Variants in ZNF646 observed in about 807,000 individuals in gnomAD.
ZNF646 encodes zinc finger protein 646.
In ZNF646, 49 loss-of-function variants were observed where a neutral mutation model predicts 115.4. The ratio of observed to expected loss-of-function variants is 0.42; its 90% CI spans 0.34 to 0.54. The LOEUF is 0.54. Ranked by LOEUF, ZNF646 falls within the 20% of genes least tolerant of loss-of-function variation. ZNF646 has a pLI of 0.04. For synonymous variants in ZNF646, 933 were observed against 939.0 expected, an observed-to-expected ratio of 0.99 and a Z score of 0.12; for missense variants, 2,269 against 2,457.9, an observed-to-expected ratio of 0.92 and a Z score of 1.62.
chr16:31,079,083 A>T lies in ZNF646; in HGVS notation c.2759A>T (p.Glu920Val). Residue 920 changes from glutamate (E) to valine (V), a missense_variant, in exon 2 of 3, where the codon GAA (glutamate) becomes GTA (valine). Glu to Val is a moderately radical substitution (Grantham distance 121). Around this residue, in one of 5 missense-constraint regions of ZNF646, gnomAD observed 852 missense variants for 900.2 expected, o/e 0.95. Transcript: ENST00000300850. This position sits in a 1 kb window ranked among gnomAD's most constrained non-coding sequence, Gnocchi z 5.5. ...TEGSEEEGEE[E>V]GVAEAAPARS... ...GGCTCAGAGGAGGAGGGGGAAGAGG[A>T]AGGAGTGGCAGAGGCAGCCCCTGCA... 1 of 1,576,156 alleles carries T rather than the reference A, an allele frequency of 6.3e-7. No individual in the cohort carries two copies. The highest frequency in any genetic ancestry group is 1.3e-5 in the African/African-American group (1 of 74,420).
In ZNF646 at chr16:31,076,460, C is replaced by CGGCCCTA. The variant is rs771985701; in HGVS notation, c.137_143dup (p.Tyr48Ter). 2 of 1,614,062 alleles carry CGGCCCTA rather than the reference C, an allele frequency of 1.2e-6. No individual in the cohort carries two copies. The highest frequency in any genetic ancestry group is 1.7e-6 in the Non-Finnish European group (2 of 1,180,018). On this transcript the variant is annotated stop_gained and frameshift_variant, in exon 2 of 3. Transcript: ENST00000300850. LOFTEE classifies it high-confidence loss of function. Reference sequence around the variant, plus strand: ...CAGTGAGGAGGCTGACAGCATCCCTCGGCCCTACCGTTGTCAGCAGTGTGG... The same window carrying CGGCCCTA: ...CAGTGAGGAGGCTGACAGCATCCCTCGGCCCTAGGCCCTACCGTTGTCAGCAGTGTGG...
chr16:31,083,119 T>TG lies in ZNF646; in HGVS notation c.*32dup. 6.3e-7 allele frequency: 1 copy of TG among 1,596,130 alleles called. No homozygotes were observed. The highest frequency in any genetic ancestry group is 8.5e-7 in the Non-Finnish European group (1 of 1,173,252). ...CTTCAAGTCTCCAAAGATCAGAATCTGGGGGAGGGAGCGCGTGCAGGGAGG... is the reference window on the plus strand; with the variant it reads ...CTTCAAGTCTCCAAAGATCAGAATCTGGGGGGAGGGAGCGCGTGCAGGGAGG... On this transcript the variant is annotated 3_prime_UTR_variant, in exon 3 of 3. Coordinates refer to ENST00000300850, the MANE Select transcript of ZNF646 (RefSeq NM_014699.4).
Position 31,076,420 on chromosome 16 carries a change from A to G in ZNF646, c.96A>G (p.Pro32=), listed in dbSNP as rs759196390. The G allele has an allele frequency of 2.0e-5, 33 of 1,613,284 alleles. No homozygotes were observed. Among genetic ancestry groups the G allele is most frequent in the Non-Finnish European group, 2.7e-5 (32 of 1,179,840 alleles). ...CTCGGCACCGAGAACTGCTCCATCC[A>G]TCTCCCAACCAGGACAGTGAGGAGG... The part of the protein sequence containing the change: ...ELSRHRELLH[P]SPNQDSEEAD... Residue 32 remains proline (P), a synonymous_variant, in exon 2 of 3, where the codon CCA becomes CCG. Transcript: ENST00000300850.
chr16:31,077,223 C>T lies in ZNF646; in HGVS notation c.899C>T (p.Pro300Leu). ...QYRPYHCPHCPRVFRLPRELL... is the reference protein window; with the variant it reads ...QYRPYHCPHCLRVFRLPRELL... Reference sequence around the variant, plus strand: ...CGGCCTTACCACTGTCCCCACTGCCCCCGTGTCTTCCGGCTCCCCCGGGAG... The same window carrying T: ...CGGCCTTACCACTGTCCCCACTGCCTCCGTGTCTTCCGGCTCCCCCGGGAG... Residue 300 changes from proline (P) to leucine (L), a missense_variant, in exon 2 of 3, where the codon CCC (proline) becomes CTC (leucine). Pro to Leu is a moderately conservative substitution (Grantham distance 98). Around this residue, in one of 5 missense-constraint regions of ZNF646, gnomAD observed 852 missense variants for 900.2 expected, o/e 0.95. Coordinates refer to ENST00000300850, the MANE Select transcript of ZNF646 (RefSeq NM_014699.4). The T allele has an allele frequency of 6.2e-7, 1 of 1,614,134 alleles. No individual in the cohort carries two copies. The highest frequency in any genetic ancestry group is 8.5e-7 in the Non-Finnish European group (1 of 1,180,002).
intron 2 of ZNF646, chr16:31,082,671 A>T (rs777677964): frequency 9.7e-6 from 4 of 412,086 alleles, no homozygotes; most frequent in Non-Finnish European, 1.3e-5. Context: ...GTGGCCACCG[A>T]GGGTGGGTGG....
At position 31,083,882 on chromosome 16, in the gene ZNF646, C is replaced by T. The variant is rs1199116315; in HGVS notation, c.*790C>T. The T allele has an allele frequency of 1.4e-5, 23 of 1,602,886 alleles. No individual in the cohort carries two copies. In the East Asian group the frequency reaches 2.9e-4, roughly 21 times the overall value. On this transcript the variant is annotated 3_prime_UTR_variant, in exon 3 of 3. Coordinates refer to ENST00000300850, the MANE Select transcript of ZNF646 (RefSeq NM_014699.4). ...GGTCCCTCCCTCCCTCCCCATTCCT[C>T]GAAGGAACAGGGTCTGTCTTGGCCG...
Position 31,080,020 on chromosome 16 carries a change from T to C in ZNF646, c.3696T>C (p.Cys1232=). Residue 1232 remains cysteine, a synonymous_variant, in exon 2 of 3, where the codon TGT becomes TGC. Coordinates refer to ENST00000300850, the MANE Select transcript of ZNF646 (RefSeq NM_014699.4). ...RQSHQTGHFG[C]QACSKGFSNL... The stretch of plus-strand genomic sequence containing the variant: ...GCCACCAGACCGGCCACTTTGGCTG[T>C]CAGGCCTGCTCCAAGGGCTTCTCAA... 1 of 1,601,282 alleles carries C rather than the reference T, an allele frequency of 6.2e-7. No individual in the cohort carries two copies. Among genetic ancestry groups the C allele is most frequent in the East Asian group, 2.3e-5 (1 of 44,402 alleles).
chr16:31,076,531 C>G lies in ZNF646; in HGVS notation c.207C>G (p.Thr69=). The G allele has an allele frequency of 6.2e-7, 1 of 1,613,258 alleles. No homozygotes were observed. The highest frequency in any genetic ancestry group is 8.5e-7 in the Non-Finnish European group (1 of 1,179,456). The change falls in exon 2 of 3, where the codon ACC becomes ACG. Residue 69 remains threonine (T), a synonymous_variant. Coordinates refer to ENST00000300850, the MANE Select transcript of ZNF646 (RefSeq NM_014699.4). ...HPGSLVNHRR[T]HETGLFPCTT... ...GGAGCCTGGTTAACCATCGTCGGACCCACGAGACTGGCCTTTTCCCCTGTA... is the reference window on the plus strand; with the variant it reads ...GGAGCCTGGTTAACCATCGTCGGACGCACGAGACTGGCCTTTTCCCCTGTA...
rs1375117934 is a variant in ZNF646, at chr16:31,077,718, A to G, written c.1394A>G (p.Tyr465Cys). 2 of 1,614,064 alleles carry G rather than the reference A, an allele frequency of 1.2e-6. No homozygotes were observed. The highest frequency in any genetic ancestry group is 1.7e-6 in the Non-Finnish European group (2 of 1,180,004). ...ACCACCACCCTGGACCATCGGCCCT[A>G]TAAGTGCAGTGAGTGTGGTCGTGCT... is the stretch of plus-strand genomic sequence containing the variant. ...DPTTTLDHRP[Y>C]KCSECGRAYR... Residue 465 changes from tyrosine to cysteine, a missense_variant, in exon 2 of 3, where the codon TAT becomes TGT. Tyr to Cys is a radical substitution (Grantham distance 194, BLOSUM62 -2). Transcript: ENST00000300850.
At position 31,081,233 on chromosome 16, in the gene ZNF646, G is replaced by A. The variant is rs747195157; in HGVS notation, c.4909G>A (p.Gly1637Ser). 2.4e-5 allele frequency: 38 copies of A among 1,593,416 alleles called. No individual in the cohort carries two copies. Among genetic ancestry groups the A allele is most frequent in the Non-Finnish European group, 3.3e-5 (38 of 1,168,412 alleles). The change falls in exon 2 of 3, where the codon GGT becomes AGT. Residue 1637 changes from glycine (G) to serine (S), a missense_variant. Gly to Ser is a moderately conservative substitution (Grantham distance 56). Around this residue, in one of 5 missense-constraint regions of ZNF646, gnomAD observed 1,062 missense variants for 1,172.8 expected, o/e 0.91. Transcript: ENST00000300850. ...GTGEDQVVLP[G>S]QGKAQEAPSE... ...TGGGGAGGACCAGGTGGTTCTCCCT[G>A]GTCAAGGGAAAGCCCAGGAGGCCCC...
At position 31,078,309 on chromosome 16, in the gene ZNF646, A is replaced by G; in HGVS notation, c.1985A>G (p.His662Arg). The G allele has an allele frequency of 6.2e-7, 1 of 1,613,580 alleles. No homozygotes were observed. The highest frequency in any genetic ancestry group is 8.5e-7 in the Non-Finnish European group (1 of 1,179,880). ...HFHTMAAMKN[H>R]LRRHSRRRSR... is the part of the protein sequence containing the mutation. The stretch of plus-strand genomic sequence containing the variant: ...CACACCATGGCTGCCATGAAGAACC[A>G]CTTGCGCCGGCACAGTCGGCGGCGG... Residue 662 changes from histidine (H) to arginine (R), a missense_variant, in exon 2 of 3, where the codon CAC becomes CGC. By Grantham distance (29) the His-to-Arg change is conservative. Around this residue, in one of 5 missense-constraint regions of ZNF646, gnomAD observed 852 missense variants for 900.2 expected, o/e 0.95. Transcript: ENST00000300850.
Position 31,077,356 on chromosome 16 carries a change from G to A in ZNF646, c.1032G>A (p.Gln344=), listed in dbSNP as rs746921772. The change falls in exon 2 of 3, where the codon CAG becomes CAA. Residue 344 remains glutamine (Q), a synonymous_variant. Transcript: ENST00000300850. ...ACACAGATGAGAGCAGCCAGGACCA[G>A]CTCCCCAGTGCACAGATGCTGAATG... ...NGHTDESSQD[Q]LPSAQMLNGS... is the part of the protein sequence containing the mutation. 6.2e-7 allele frequency: 1 copy of A among 1,612,892 alleles called. No individual in the cohort carries two copies. Among genetic ancestry groups the A allele is most frequent in the Non-Finnish European group, 8.5e-7 (1 of 1,179,608 alleles).
Position 31,077,626 on chromosome 16 carries a change from G to A in ZNF646, c.1302G>A (p.Gly434=). The A allele has an allele frequency of 6.2e-7, 1 of 1,613,772 alleles. No individual in the cohort carries two copies. The change falls in exon 2 of 3, where the codon GGG becomes GGA. Residue 434 remains glycine, a synonymous_variant. Transcript: ENST00000300850. ...CCAGGCAAGGAGTTGGGGAAAATGG[G>A]CAGCCATCAGTCCCACCAGCTCCCC... ...HRPRQGVGEN[G]QPSVPPAPLL...
In ZNF646 at chr16:31,076,594, C is replaced by T; in HGVS notation, c.270C>T (p.Leu90=). 6.8e-6 allele frequency: 11 copies of T among 1,612,816 alleles called. No homozygotes were observed. The highest frequency in any genetic ancestry group is 9.3e-6 in the Non-Finnish European group (11 of 1,179,472). The part of the protein sequence containing the change: ...CGKDFSNPMA[L]KSHMRTHAPE... The stretch of plus-strand genomic sequence containing the variant: ...AGGACTTCTCCAATCCCATGGCTCT[C>T]AAGAGCCATATGAGGACACATGCTC... The change falls in exon 2 of 3, where the codon CTC becomes CTT. Residue 90 remains leucine (L), a synonymous_variant. Coordinates refer to ENST00000300850, the MANE Select transcript of ZNF646 (RefSeq NM_014699.4).
chr16:31,074,506 T>C lies in ZNF646; in HGVS notation c.-205T>C, dbSNP rs1169175841. 1.3e-5 allele frequency: 2 copies of C among 152,392 alleles called. No individual in the cohort carries two copies. The highest frequency in any genetic ancestry group is 2.9e-5 in the Non-Finnish European group (2 of 68,132). The allele number at this position is 152,392 out of a possible 1,614,324, so 9.4% of individuals were successfully genotyped here. A position where few individuals can be genotyped will look rare whatever the true frequency, so the allele number is the denominator to read the frequency against. On this transcript the variant is annotated 5_prime_UTR_variant, in exon 1 of 3. Coordinates refer to ENST00000300850, the MANE Select transcript of ZNF646 (RefSeq NM_014699.4). ...CCCTCTTTTCTCTACCTCCTTCCTC[T>C]TCCCCCCTTCTCCTTTCCCTCTTTC...
rs1295661493 is a variant in ZNF646 at position 31,080,426 on chromosome 16, C to T, written c.4102C>T (p.Leu1368Phe). Residue 1368 changes from leucine (L) to phenylalanine (F), a missense_variant, in exon 2 of 3, where the codon CTC becomes TTC. Physicochemically the swap from Leu to Phe is conservative, Grantham distance 22 (BLOSUM62 0). Coordinates refer to ENST00000300850, the MANE Select transcript of ZNF646 (RefSeq NM_014699.4). ...CAGGCGCACAGCTGTGCGTTGCGCC[C>T]TCTGTGGCCGCAGCTTCCCTGGCCG... ...RSRRTAVRCA[L>F]CGRSFPGRGS... 1 of 1,613,162 alleles carries T rather than the reference C, an allele frequency of 6.2e-7. No individual in the cohort carries two copies. Among genetic ancestry groups the T allele is most frequent in the African/African-American group, 1.3e-5 (1 of 74,964 alleles).
In ZNF646 at chr16:31,079,413, C is replaced by T. The variant is rs754710082; in HGVS notation, c.3089C>T (p.Thr1030Ile). Residue 1030 changes from threonine to isoleucine, a missense_variant, in exon 2 of 3, where the codon ACC (threonine) becomes ATC (isoleucine). This residue lies in a region of ZNF646 where 1,062 missense variants were observed against 1,172.8 expected (regional missense o/e 0.91). Transcript: ENST00000300850. The surrounding 1 kb of genome is among the most constrained non-coding windows in gnomAD (Gnocchi z 5.5). The part of the protein sequence containing the change: ...GDAKSQEGAG[T>I]PLGDSLCIQG... ...GCCAAGTCTCAAGAGGGAGCAGGCA[C>T]CCCCTTGGGAGACAGCCTCTGCATC... 3 of 1,613,870 alleles carry T rather than the reference C, an allele frequency of 1.9e-6. No individual in the cohort carries two copies. Among genetic ancestry groups the T allele is most frequent in the Non-Finnish European group, 1.7e-6 (2 of 1,180,004 alleles).
Position 31,076,855 on chromosome 16 carries a change from C to T in ZNF646, c.531C>T (p.His177=). The T allele has an allele frequency of 6.2e-7, 1 of 1,614,160 alleles. No homozygotes were observed. The highest frequency in any genetic ancestry group is 8.5e-7 in the Non-Finnish European group (1 of 1,180,034). The change falls in exon 2 of 3, where the codon CAC becomes CAT. Residue 177 remains histidine (H), a synonymous_variant. Coordinates refer to ENST00000300850, the MANE Select transcript of ZNF646 (RefSeq NM_014699.4). ...GACAAAGAGAAGGCTTGGCAAGCCA[C>T]CCAGGTCCTGAGGATGGTGCAGACG... is the stretch of plus-strand genomic sequence containing the variant. ...PTRQREGLAS[H]PGPEDGADGW...
chr16:31,077,855 G>C lies in ZNF646; in HGVS notation c.1531G>C (p.Val511Leu). 1 of 1,613,748 alleles carries C rather than the reference G, an allele frequency of 6.2e-7. No individual in the cohort carries two copies. The highest frequency in any genetic ancestry group is 1.1e-5 in the South Asian group (1 of 91,070). The part of the protein sequence containing the change: ...YPNLMALRNH[V>L]RVHCKAARRS... ...CAATCTCATGGCCCTGCGCAACCAC[G>C]TGCGGGTACATTGCAAGGCTGCTCG... The change falls in exon 2 of 3, where the codon GTG becomes CTG. Residue 511 changes from valine (V) to leucine (L), a missense_variant. This residue lies in a region of ZNF646 where 852 missense variants were observed against 900.2 expected (regional missense o/e 0.95). Transcript: ENST00000300850.
Sources: gnomAD v4.1 joint callset for allele counts on GRCh38, gnomAD v4.1.1 for gene constraint, gnomAD v4.1.1 regional missense constraint, Gnocchi (gnomAD v3.1) non-coding constraint, MANE v1.5 for transcripts, NCBI Gene and HGNC (gene_info 2026-07-23, HGNC 2026-07-21) for gene names.